Variants in ZNF804B observed in about 807,000 individuals in gnomAD.
ZNF804B encodes zinc finger protein 804B.
A neutral mutation model predicts 101.4 loss-of-function variants in ZNF804B; 80 were observed. That is an observed-to-expected ratio of 0.79 (90% CI 0.66 to 0.95). The LOEUF (loss-of-function observed/expected upper bound fraction) is 0.95, where lower values mean the gene tolerates loss of function less well. Ranked by LOEUF, ZNF804B falls within the 40% of genes least tolerant of loss-of-function variation. The pLI is 0.00. For missense variants in ZNF804B, 1,673 were observed against 1,561.9 expected (o/e 1.07, Z -1.20); for synonymous variants, 622 against 558.8 (o/e 1.11, Z -1.59).
chr7:88,898,560 G>C (rs1295573452), intron 1 of ZNF804B, among the ~76,000 whole-genome samples: 1 of 151,892 alleles, frequency 6.6e-6, no homozygotes, highest in East Asian at 1.9e-4. Flanking sequence ...TAGTTATCAT[G>C]TCTCATTTAT....
intron 1 of ZNF804B, among the ~76,000 whole-genome samples, chr7:88,954,205 A>G (rs1481937709): frequency 6.6e-6 from 1 of 151,764 alleles, no homozygotes; most frequent in Non-Finnish European, 1.5e-5. Flanking sequence ...CTGCATTGTT[A>G]AAGTGAATAA....
At chr7:88,780,625 G>A (rs561271415) in intron 1 of ZNF804B, among the ~76,000 whole-genome samples, 17 of 151,926 alleles carry the variant, frequency 1.1e-4, no homozygotes, top group African/African-American at 3.6e-4. Context: ...GGGCTCAAGC[G>A]ATCCGCCCAC....
At chr7:88,843,505 A>C (rs1791318226) in intron 1 of ZNF804B, among the ~76,000 whole-genome samples, 1 of 152,156 alleles carries the variant, frequency 6.6e-6, no homozygotes, top group Admixed American at 6.5e-5. Flanking sequence ...GGGGAGGCTG[A>C]GATGGGCAGA....
intron 1 of ZNF804B, among the ~76,000 whole-genome samples, chr7:88,766,779 A>T (rs1011805171): frequency 6.6e-6 from 1 of 152,222 alleles, no homozygotes; most frequent in Non-Finnish European, 1.5e-5. Context: ...ATCAATAATA[A>T]AATATTGAAT....
chr7:88,882,325 A>G (rs1211914671), intron 1 of ZNF804B, among the ~76,000 whole-genome samples: 2 of 152,178 alleles, frequency 1.3e-5, no homozygotes, highest in African/African-American at 4.8e-5. Context: ...ACAATGAAAT[A>G]CCATTTCACA....
chr7:89,104,433 G>C (rs1790105536), intron 1 of ZNF804B, among the ~76,000 whole-genome samples: 1 of 151,762 alleles, frequency 6.6e-6, no homozygotes, highest in Admixed American at 6.6e-5. Context: ...GTTTGTTCAG[G>C]GTTTCTATTA....
intron 2 of ZNF804B, among the ~76,000 whole-genome samples, chr7:89,220,049 A>ATATATGCACACATATATGTGTG (rs1562920300): frequency 4.9e-5 from 5 of 101,896 alleles, no homozygotes; most frequent in South Asian, 3.1e-4. Context: ...ATATGTGCAT[A>ATATATGCACACATATATGTGTG]TATACATATA....
chr7:89,179,087 C>T (rs2115574990), intron 1 of ZNF804B, among the ~76,000 whole-genome samples: 1 of 152,196 alleles, frequency 6.6e-6, no homozygotes, highest in African/African-American at 2.4e-5. Flanking sequence ...TTTTAGGATT[C>T]TTTCTTTATC....
intron 1 of ZNF804B, among the ~76,000 whole-genome samples, chr7:89,200,910 G>A (rs1461484176): frequency 6.6e-6 from 1 of 151,854 alleles, no homozygotes; most frequent in Non-Finnish European, 1.5e-5. Context: ...TCTCATGTAT[G>A]TTTTACTTCC....
chr7:88,908,294 T>C (rs1249812512), intron 1 of ZNF804B, among the ~76,000 whole-genome samples: 1 of 151,778 alleles, frequency 6.6e-6, no homozygotes, highest in Non-Finnish European at 1.5e-5. Context: ...TGTATATGTG[T>C]TATACTCTGG....
chr7:88,923,147 A>G (rs887315620), intron 1 of ZNF804B, among the ~76,000 whole-genome samples: 6 of 152,040 alleles, frequency 3.9e-5, no homozygotes, highest in Admixed American at 1.3e-4. Context: ...CTGGTATGGC[A>G]TTGTGTGTGA....
chr7:89,033,329 G>A (rs1475385656), intron 1 of ZNF804B, among the ~76,000 whole-genome samples: 1 of 152,138 alleles, frequency 6.6e-6, no homozygotes, highest in Non-Finnish European at 1.5e-5. Flanking sequence ...TCAGTCATGT[G>A]TACATATTTC....
In ZNF804B at chr7:88,812,007, T is replaced by A. The variant is rs1007183632; in HGVS notation, c.108+51923T>A. ...AGAACTTTTTGATGATCATATACCATGTAATATCTTTTGTCGATAAATTCT... is the reference window on the plus strand; with the variant it reads ...AGAACTTTTTGATGATCATATACCAAGTAATATCTTTTGTCGATAAATTCT... On this transcript the variant is annotated intron_variant, in intron 1 of 3. Coordinates refer to ENST00000333190, the MANE Select transcript of ZNF804B (RefSeq NM_181646.5). 1.9e-4 allele frequency among the ~76,000 whole-genome samples: 29 copies of A among 152,176 alleles called. 1 individual carries two copies. The highest frequency in any genetic ancestry group is 1.9e-3 in the Admixed American group (29 of 15,282).
chr7:89,272,166 G>A (rs971050436), intron 2 of ZNF804B, among the ~76,000 whole-genome samples: 5 of 151,818 alleles, frequency 3.3e-5, no homozygotes, highest in South Asian at 2.1e-4. Flanking sequence ...CAGTATCTGC[G>A]CTCATATTGT....
chr7:88,913,822 A>C (rs933135920), intron 1 of ZNF804B, among the ~76,000 whole-genome samples: 1 of 152,224 alleles, frequency 6.6e-6, no homozygotes, highest in East Asian at 1.9e-4. Context: ...TTCTAGCAAA[A>C]AATAGCAAAA....
At chr7:89,173,280 A>G (rs1433364516) in intron 1 of ZNF804B, among the ~76,000 whole-genome samples, 1 of 151,976 alleles carries the variant, frequency 6.6e-6, no homozygotes, top group Non-Finnish European at 1.5e-5. Context: ...GTATTTATTA[A>G]TTGTTATAGA....
chr7:89,333,517 G>T lies in ZNF804B; in HGVS notation c.535G>T (p.Asp179Tyr), dbSNP rs150823294. 29 of 1,613,376 alleles carry T rather than the reference G, an allele frequency of 1.8e-5. No homozygotes were observed. Among genetic ancestry groups the T allele is most frequent in the Non-Finnish European group, 2.4e-5 (28 of 1,179,600 alleles). The change falls in exon 4 of 4, where the codon GAT becomes TAT. Residue 179 changes from aspartate to tyrosine, a missense_variant. By Grantham distance (160) the Asp-to-Tyr change is radical. Transcript: ENST00000333190. Reference protein sequence around the residue: ...KGKNLPRIISDKQRSTMPNRH... With the variant: ...KGKNLPRIISYKQRSTMPNRH... ...AAAAAATCTCCCCAGAATCATATCC[G>T]ATAAACAGCGGTCCACCATGCCAAA...
intron 1 of ZNF804B, among the ~76,000 whole-genome samples, chr7:89,091,856 A>G (rs1406243861): frequency 6.6e-6 from 1 of 152,074 alleles, no homozygotes; most frequent in African/African-American, 2.4e-5. Context: ...GCCTATTCAG[A>G]GTCTTGTTTT....
intron 1 of ZNF804B, among the ~76,000 whole-genome samples, chr7:89,035,207 G>T (rs1430572016): frequency 3.3e-5 from 5 of 152,056 alleles, no homozygotes; most frequent in Non-Finnish European, 5.9e-5. Context: ...CTGCTGAAAA[G>T]AAAGAACAAA....
Sources: allele counts gnomAD v4.1 joint callset (sites outside exome capture counted in the v4.1 genomes callset), GRCh38; gene constraint gnomAD v4.1.1; transcripts MANE v1.5; gene names NCBI Gene and HGNC (gene_info 2026-07-23, HGNC 2026-07-21).